Variants in TAF1C observed in about 807,000 individuals in gnomAD.
The protein encoded by TAF1C is TATA box-binding protein-associated factor RNA polymerase I subunit C.
In TAF1C, 79 loss-of-function variants were observed where a neutral mutation model predicts 70.5. The ratio of observed to expected loss-of-function variants is 1.12; its 90% confidence interval spans 0.93 to 1.35. The LOEUF (loss-of-function observed/expected upper bound fraction) is 1.35. Among genes scored for constraint, TAF1C ranks in the 40% most tolerant of loss-of-function variants. TAF1C has a pLI of 0.00. For missense variants in TAF1C, 1,412 were observed against 1,127.8 expected (o/e 1.25, Z -3.61); for synonymous variants, 614 against 491.1 (o/e 1.25, Z -3.31).
At chr16:84,185,113 T>A (rs2089412914) in intron 1 of TAF1C, 53 bp from the exon 2 acceptor site, 3 of 1,260,262 alleles carry the variant, frequency 2.4e-6, no homozygotes, top group Non-Finnish European at 1.1e-6. Flanking sequence ...AGGAAGCAGA[T>A]AACAAAAAAC....
In TAF1C at chr16:84,180,336, G is replaced by C. The variant is rs1346017819; in HGVS notation, c.1317C>G (p.Leu439=). 1 of 1,542,474 alleles carries C rather than the reference G, an allele frequency of 6.5e-7. No individual in the cohort carries two copies. Among genetic ancestry groups the C allele is most frequent in the Non-Finnish European group, 8.7e-7 (1 of 1,146,326 alleles). ...TLHLVCTQFS[L]YLVDERLPLV... ...GGGGAAGGCGCTCGTCCACTAGGTA[G>C]AGAGAGAACTGGGGCCCGAGAAGGA... is the stretch of plus-strand genomic sequence containing the variant. The change falls in exon 13 of 15, where the codon CTC becomes CTG. Residue 439 remains leucine, a synonymous_variant. Coordinates refer to ENST00000566732, the MANE Select transcript of TAF1C (RefSeq NM_001243156.2).
rs763357705 is a variant in TAF1C at position 84,179,390 on chromosome 16, G to T, written c.2083C>A (p.Leu695Met). ...SGLEDKLSER[L>M]GEAWAGRGAA... ...CCTCGGCCTGCCCAGGCTTCCCCCA[G>T]GCGCTCACTGAGCTTGTCCTCTAGG... is the stretch of plus-strand genomic sequence containing the variant. The change falls in exon 15 of 15, where the codon CTG becomes ATG. Residue 695 changes from leucine to methionine, a missense_variant. By Grantham distance (15) the Leu-to-Met change is conservative (BLOSUM62 2). Transcript: ENST00000566732. 9 of 1,598,606 alleles carry T rather than the reference G, an allele frequency of 5.6e-6. No individual in the cohort carries two copies. Among genetic ancestry groups the T allele is most frequent in the Non-Finnish European group, 6.8e-6 (8 of 1,178,132 alleles).
Position 84,180,047 on chromosome 16 carries a change from G to T in TAF1C, c.1520C>A (p.Pro507His), listed in dbSNP as rs573866482. ...GTCGATCCTGGAAGGAAGAGACTGG[G>T]GGGGGCCTGCCAGGCGGGGCACCGA... ...GASVPRLAGP[P>H]QSLPSRIDSL... The change falls in exon 14 of 15, where the codon CCC becomes CAC. Residue 507 changes from proline (P) to histidine (H), a missense_variant. Physicochemically the swap from Pro to His is moderately conservative, Grantham distance 77 (BLOSUM62 -2). Transcript: ENST00000566732. 1 of 1,607,408 alleles carries T rather than the reference G, an allele frequency of 6.2e-7. No individual in the cohort carries two copies. Among genetic ancestry groups the T allele is most frequent in the Non-Finnish European group, 8.5e-7 (1 of 1,177,588 alleles).
intron 3 of TAF1C, 64 bp downstream of exon 3, chr16:84,183,633 G>A: frequency 3.2e-6 from 5 of 1,558,144 alleles, no homozygotes; most frequent in Non-Finnish European, 4.4e-6. Context: ...GGTCTCAGGA[G>A]CGGGAGCAGT....
intron 1 of TAF1C, among the ~76,000 whole-genome samples, chr16:84,186,435 T>C (rs772712048): frequency 6.6e-6 from 1 of 152,084 alleles, no homozygotes; most frequent in Admixed American, 6.5e-5. Context: ...ACACCTGTAA[T>C]CGCAACTACC....
rs1567576767 is a variant in TAF1C, at chr16:84,178,349, T to C, written c.*592A>G. 1 of 456,930 alleles carries C rather than the reference T, an allele frequency of 2.2e-6. No homozygotes were observed. The highest frequency in any genetic ancestry group is 4.4e-6 in the Non-Finnish European group (1 of 227,174). 28.3% of individuals were successfully genotyped at this position (456,930 alleles called of 1,614,324 possible). A position where few individuals can be genotyped will look rare whatever the true frequency, so the allele number is the denominator to read the frequency against. On this transcript the variant is annotated 3_prime_UTR_variant, in exon 15 of 15. Coordinates refer to ENST00000566732, the MANE Select transcript of TAF1C (RefSeq NM_001243156.2). ...TCAGGTAGTAGCTGTGGCGGGACGCTGTCCAGCCTAAAAAACGTGACCATT... is the reference window on the plus strand; with the variant it reads ...TCAGGTAGTAGCTGTGGCGGGACGCCGTCCAGCCTAAAAAACGTGACCATT...
chr16:84,178,684 C>A lies in TAF1C; in HGVS notation c.*257G>T. ...CTCCCAGCACAGACTAAAATCCCAG[C>A]AACACAGGCCCACCGGCACCTCCAG... On this transcript the variant is annotated 3_prime_UTR_variant, in exon 15 of 15. Coordinates refer to ENST00000566732, the MANE Select transcript of TAF1C (RefSeq NM_001243156.2). 1.9e-6 allele frequency: 1 copy of A among 539,600 alleles called. No individual in the cohort carries two copies. Among genetic ancestry groups the A allele is most frequent in the South Asian group, 2.1e-5 (1 of 47,050 alleles). The allele number at this position is 539,600 out of a possible 1,614,324, so 33.4% of individuals were successfully genotyped here.
In TAF1C at chr16:84,180,173, C is replaced by A; in HGVS notation, c.1480G>T (p.Ala494Ser). 1.3e-6 allele frequency: 2 copies of A among 1,553,936 alleles called. No individual in the cohort carries two copies. Among genetic ancestry groups the A allele is most frequent in the Non-Finnish European group, 1.7e-6 (2 of 1,158,352 alleles). Residue 494 changes from alanine to serine, a missense_variant, in exon 13 of 15, where the codon GCA becomes TCA. Coordinates refer to ENST00000566732, the MANE Select transcript of TAF1C (RefSeq NM_001243156.2). ...CCACCCTGGCCTGGACCCTCACCTG[C>A]CAGGTGCAGCAGCTGCAGCTGCCCA... is the stretch of plus-strand genomic sequence containing the variant. ...QGGQLQLLHLAGEGASVPRLA... is the reference protein window; with the variant it reads ...QGGQLQLLHLSGEGASVPRLA...
Position 84,177,941 on chromosome 16 carries a change from C to G in TAF1C, c.*1000G>C, listed in dbSNP as rs565617320. The G allele has an allele frequency of 2.7e-4, 274 of 1,000,912 alleles. No homozygotes were observed. In the African/African-American group the frequency reaches 3.8e-3, roughly 14 times the overall value. 62.0% of individuals were successfully genotyped at this position (1,000,912 alleles called of 1,614,324 possible). On this transcript the variant is annotated 3_prime_UTR_variant, in exon 15 of 15. Coordinates refer to ENST00000566732, the MANE Select transcript of TAF1C (RefSeq NM_001243156.2). Reference sequence around the variant, plus strand: ...CCACGCGAGTCAGTGTATGATTGGGCTAGCTCCTGTTTGTGTGAGTCACAT... The same window carrying G: ...CCACGCGAGTCAGTGTATGATTGGGGTAGCTCCTGTTTGTGTGAGTCACAT...
Position 84,183,757 on chromosome 16 carries a change from T to G in TAF1C, c.160A>C (p.Lys54Gln). 1 of 1,612,850 alleles carries G rather than the reference T, an allele frequency of 6.2e-7. No homozygotes were observed. The highest frequency in any genetic ancestry group is 8.5e-7 in the Non-Finnish European group (1 of 1,179,168). Reference sequence around the variant, plus strand: ...GTTGCCGGCTCCCACAGCAGGTCCTTGGTCACATGCAGTGCCCCATTCTGA... The same window carrying G: ...GTTGCCGGCTCCCACAGCAGGTCCTGGGTCACATGCAGTGCCCCATTCTGA... ...NSENGALHVT[K>Q]DLLWEPATPG... The change falls in exon 3 of 15, where the codon AAG (lysine) becomes CAG (glutamine). Residue 54 changes from lysine (K) to glutamine (Q), a missense_variant. Physicochemically the swap from Lys to Gln is moderately conservative, Grantham distance 53. Transcript: ENST00000566732.
intron 6 of TAF1C, 50 bp downstream of exon 6, chr16:84,183,026 C>G (rs780877489): frequency 6.3e-7 from 1 of 1,596,668 alleles, no homozygotes; most frequent in African/African-American, 1.3e-5. Flanking sequence ...TCCTACATCC[C>G]CACCACCAGC....
chr16:84,179,538 C>T lies in TAF1C; in HGVS notation c.1935G>A (p.Arg645=), dbSNP rs752696883. The change falls in exon 15 of 15, where the codon AGG becomes AGA. Residue 645 remains arginine, a synonymous_variant. Coordinates refer to ENST00000566732, the MANE Select transcript of TAF1C (RefSeq NM_001243156.2). The part of the protein sequence containing the change: ...RQMLGSTELR[R]EEEEGQRLGV... ...CCAGCCGCTGCCCTTCCTCTTCCTC[C>T]CTCCGCAGCTCTGTGCTGCCCAGCA... 5.0e-6 allele frequency: 8 copies of T among 1,608,732 alleles called. No homozygotes were observed. The highest frequency in any genetic ancestry group is 6.8e-6 in the Non-Finnish European group (8 of 1,177,392).
chr16:84,183,645 G>A (rs1382545352), intron 3 of TAF1C, 52 bp downstream of exon 3: 3 of 1,570,406 alleles, frequency 1.9e-6, no homozygotes, highest in East Asian at 2.3e-5. Flanking sequence ...GGGAGCAGTG[G>A]GAAGAATAGG....
rs756762786 is a variant in TAF1C, at chr16:84,181,649, C to A, written c.971G>T (p.Gly324Val). Reference sequence around the variant, plus strand: ...CGAGCGGCTGCAGATGGCCAGCTCCCCGGGCAGGTGAGGGCTACAGGGCAG... The same window carrying A: ...CGAGCGGCTGCAGATGGCCAGCTCCACGGGCAGGTGAGGGCTACAGGGCAG... ...TGISLSPHLPGELAICSRSGA... is the reference protein window; with the variant it reads ...TGISLSPHLPVELAICSRSGA... The change falls in exon 10 of 15, where the codon GGG (glycine) becomes GTG (valine). Residue 324 changes from glycine (G) to valine (V), a missense_variant. Physicochemically the swap from Gly to Val is moderately radical, Grantham distance 109. Transcript: ENST00000566732. 1.9e-6 allele frequency: 3 copies of A among 1,613,900 alleles called. No homozygotes were observed. Among genetic ancestry groups the A allele is most frequent in the Non-Finnish European group, 2.5e-6 (3 of 1,180,000 alleles).
chr16:84,178,263 C>A lies in TAF1C; in HGVS notation c.*678G>T. ...GGGCACTATCGACAGCCCACAGGTG[C>A]CAGACCCATGTCCCAAGGGAGAAGG... On this transcript the variant is annotated 3_prime_UTR_variant, in exon 15 of 15. Coordinates refer to ENST00000566732, the MANE Select transcript of TAF1C (RefSeq NM_001243156.2). The A allele has an allele frequency of 4.5e-6, 2 of 447,740 alleles. No homozygotes were observed. Among genetic ancestry groups the A allele is most frequent in the South Asian group, 3.2e-5 (2 of 62,584 alleles). The allele number at this position is 447,740 out of a possible 1,614,324, so 27.7% of individuals were successfully genotyped here.
Position 84,178,839 on chromosome 16 carries a change from T to G in TAF1C, c.*102A>C, listed in dbSNP as rs1408151747. 1.5e-6 allele frequency: 2 copies of G among 1,314,920 alleles called. No individual in the cohort carries two copies. Among genetic ancestry groups the G allele is most frequent in the East Asian group, 2.4e-5 (1 of 42,362 alleles). The allele number at this position is 1,314,920 out of a possible 1,614,324, so 81.5% of individuals were successfully genotyped here. On this transcript the variant is annotated 3_prime_UTR_variant, in exon 15 of 15. Transcript: ENST00000566732. ...CATCATCACAGTGGCCTCCAGAAGG[T>G]GGCGAGCTCTGCTTCTCAAGTTTCA... is the stretch of plus-strand genomic sequence containing the variant.
Position 84,178,509 on chromosome 16 carries a change from C to T in TAF1C, c.*432G>A. ...AGCAGCTGCCAACGGCCGCTGTGCC[C>T]ACCTCATCAGCAGCTCTGCAGGGGC... On this transcript the variant is annotated 3_prime_UTR_variant, in exon 15 of 15. Transcript: ENST00000566732. The T allele has an allele frequency of 2.2e-6, 1 of 461,972 alleles. No homozygotes were observed. The highest frequency in any genetic ancestry group is 1.6e-5 in the South Asian group (1 of 64,456). The allele number at this position is 461,972 out of a possible 1,614,324, so 28.6% of individuals were successfully genotyped here.
intron 11 of TAF1C, 24 bp from the exon 12 acceptor site, chr16:84,181,210 C>A (rs1281511212): frequency 6.3e-7 from 1 of 1,594,964 alleles, no homozygotes; most frequent in Non-Finnish European, 8.6e-7. Flanking sequence ...ACAGGGTCAG[C>A]CCTCCCCACA....
At chr16:84,186,040 C>G (rs2089465692) in intron 1 of TAF1C, among the ~76,000 whole-genome samples, 1 of 152,244 alleles carries the variant, frequency 6.6e-6, no homozygotes, top group South Asian at 2.1e-4. Flanking sequence ...CAAGCGCCAG[C>G]ATCTATCTGC....
Sources: allele counts gnomAD v4.1 joint callset (sites outside exome capture counted in the v4.1 genomes callset), GRCh38; gene constraint gnomAD v4.1.1; transcripts MANE v1.5; gene names NCBI Gene and HGNC (gene_info 2026-07-23, HGNC 2026-07-21).